CSE1L: variants seen among roughly 807,000 people sequenced by gnomAD.
CSE1L encodes chromosome segregation 1 like.
CSE1L carries 24 observed loss-of-function variants against 120.4 expected under a neutral mutation model. The observed-to-expected ratio is 0.20, with a 90% CI of 0.14 to 0.28. The LOEUF (loss-of-function observed/expected upper bound fraction) is 0.28. Among genes scored for constraint, CSE1L ranks in the 10% least tolerant of loss-of-function variants. The pLI is 1.00. For missense variants in CSE1L, 830 were observed against 1,145.2 expected (o/e 0.72, Z 3.97); for synonymous variants, 402 against 398.3 (o/e 1.01, Z -0.11).
At chr20:49,053,147 CTT>C (rs71184250) in intron 1 of CSE1L, among the ~76,000 whole-genome samples, 11 of 122,706 alleles carry the variant, frequency 9.0e-5, no homozygotes, top group African/African-American at 2.5e-4. Context: ...CCCTGTCTCT[CTT>C]TTTTTTTTTT....
At chr20:49,083,076 G>A (rs2092026442) in intron 14 of CSE1L, among the ~76,000 whole-genome samples, 1 of 150,762 alleles carries the variant, frequency 6.6e-6, no homozygotes, top group Non-Finnish European at 1.5e-5. Context: ...CCACGCTGGA[G>A]TGCAGTGGTG....
At chr20:49,090,903 A>G (rs1317733650) in intron 20 of CSE1L, 34 bp from the exon 21 acceptor site, 3 of 1,595,950 alleles carry the variant, frequency 1.9e-6, no homozygotes, top group Admixed American at 3.5e-5. Context: ...GAAAAGTCCT[A>G]AATTTATATT....
chr20:49,076,306 G>T (rs1355714667), intron 12 of CSE1L, among the ~76,000 whole-genome samples: 3 of 152,152 alleles, frequency 2.0e-5, no homozygotes, highest in Admixed American at 1.3e-4. Context: ...TCCTGCCTCA[G>T]CCTCCCGAGT....
chr20:49,088,488 CCTTA>C (rs2092076930), intron 17 of CSE1L, among the ~76,000 whole-genome samples: 1 of 152,122 alleles, frequency 6.6e-6, no homozygotes, highest in Admixed American at 6.5e-5. Flanking sequence ...GTCTTTTCTT[CCTTA>C]CTCTTATTTC....
chr20:49,067,172 T>G lies in CSE1L; in HGVS notation c.477-18T>G. On this transcript the variant is annotated intron_variant, in intron 5 of 24. Transcript: ENST00000262982. Reference sequence around the variant, plus strand: ...AAAAAAAACTTGTAAATTTATCTGTTTTACCTTAATTTTCTAGATACCGTC... The same window carrying G: ...AAAAAAAACTTGTAAATTTATCTGTGTTACCTTAATTTTCTAGATACCGTC... The G allele has an allele frequency of 1.3e-6, 2 of 1,538,608 alleles. No individual in the cohort carries two copies. Among genetic ancestry groups the G allele is most frequent in the Non-Finnish European group, 1.8e-6 (2 of 1,118,302 alleles).
At chr20:49,065,468 G>A (rs1174000533) in intron 3 of CSE1L, among the ~76,000 whole-genome samples, 2 of 150,570 alleles carry the variant, frequency 1.3e-5, no homozygotes, top group Admixed American at 1.3e-4. Context: ...TGTTACAGGT[G>A]CCCACCACCA....
At position 49,073,304 on chromosome 20, in the gene CSE1L, C is replaced by T. The variant is rs568595595; in HGVS notation, c.1066+607C>T. 6.6e-5 allele frequency among the ~76,000 whole-genome samples: 10 copies of T among 152,102 alleles called. 1 individual carries two copies. The highest frequency in any genetic ancestry group is 3.4e-3 in the Middle Eastern group (1 of 294). ...CTGGGATTGCATTTCTGAGCCACCT[C>T]GCCCAGAAATAGCTGTTTTTAAACA... is the stretch of plus-strand genomic sequence containing the variant. On this transcript the variant is annotated intron_variant, in intron 10 of 24. Transcript: ENST00000262982.
At chr20:49,063,881 C>G (rs546553215) in intron 3 of CSE1L, among the ~76,000 whole-genome samples, 111 of 151,954 alleles carry the variant, frequency 7.3e-4, no homozygotes, top group African/African-American at 2.6e-3. Flanking sequence ...GGTATTTTGC[C>G]CTATGTCTTG....
At position 49,095,023 on chromosome 20, in the gene CSE1L, A is replaced by ATAG. The variant is rs1201332104; in HGVS notation, c.2826+68_2826+70dup. The ATAG allele has an allele frequency of 5.9e-5, 75 of 1,280,044 alleles. No individual in the cohort carries two copies. In the East Asian group the frequency reaches 1.7e-3, roughly 29 times the overall value. 79.3% of individuals were successfully genotyped at this position (1,280,044 alleles called of 1,614,324 possible). A position where few individuals can be genotyped will look rare whatever the true frequency, so the allele number is the denominator to read the frequency against. On this transcript the variant is annotated intron_variant, in intron 24 of 24. Coordinates refer to ENST00000262982, the MANE Select transcript of CSE1L (RefSeq NM_001316.4). Reference sequence around the variant, plus strand: ...GAGACTTTAATGGGAGGGCAAAAGGATAGTAGTAGTTCTGGTGTCTGTTTT... The same window carrying ATAG: ...GAGACTTTAATGGGAGGGCAAAAGGATAGTAGTAGTAGTTCTGGTGTCTGTTTT...
At chr20:49,087,391 T>A (rs2092068584) in intron 16 of CSE1L, among the ~76,000 whole-genome samples, 1 of 144,648 alleles carries the variant, frequency 6.9e-6, no homozygotes, top group Non-Finnish European at 1.5e-5. Context: ...GGAGTCTCGC[T>A]CTGTCTCCCA....
intron 1 of CSE1L, among the ~76,000 whole-genome samples, chr20:49,053,427 C>T (rs190327183): frequency 7.7e-5 from 11 of 142,388 alleles, no homozygotes; most frequent in Non-Finnish European, 1.1e-4. Flanking sequence ...GGCGCAATCT[C>T]GCCTCATTGC....
In CSE1L at chr20:49,096,072, G is replaced by A. The variant is rs548301257; in HGVS notation, c.2827-277G>A. 10 of 576,428 alleles carry A rather than the reference G, an allele frequency of 1.7e-5. No homozygotes were observed. The East Asian group carries it at 2.7e-4, about 15-fold the overall frequency. The allele number at this position is 576,428 out of a possible 1,614,324, so 35.7% of individuals were successfully genotyped here. A position where few individuals can be genotyped will look rare whatever the true frequency, so the allele number is the denominator to read the frequency against. On this transcript the variant is annotated intron_variant, in intron 24 of 24. Coordinates refer to ENST00000262982, the MANE Select transcript of CSE1L (RefSeq NM_001316.4). ...GTCTTAGACATCATACGTTTCACGC[G>A]TAAGTACCTTATTCTACATCATTAA... is the stretch of plus-strand genomic sequence containing the variant.
chr20:49,074,457 A>G (rs997851413), intron 10 of CSE1L, among the ~76,000 whole-genome samples: 2 of 152,064 alleles, frequency 1.3e-5, no homozygotes, highest in Non-Finnish European at 2.9e-5. Context: ...TGGTATTTTA[A>G]TGTTCTTATT....
chr20:49,087,132 A>T (rs190516228), intron 16 of CSE1L, among the ~76,000 whole-genome samples: 1 of 152,206 alleles, frequency 6.6e-6, no homozygotes, highest in East Asian at 1.9e-4. Flanking sequence ...TTTTTCTCCC[A>T]TGCTTCCTAT....
At position 49,082,723 on chromosome 20, in the gene CSE1L, G is replaced by A. The variant is rs553956669; in HGVS notation, c.1483-1303G>A. On this transcript the variant is annotated intron_variant, in intron 14 of 24. Coordinates refer to ENST00000262982, the MANE Select transcript of CSE1L (RefSeq NM_001316.4). The stretch of plus-strand genomic sequence containing the variant: ...TTTTTAGTAGAGACGGGGTTTCACT[G>A]TGTTAGCCAGGATGGTCTCGATCTC... 3.3e-5 allele frequency among the ~76,000 whole-genome samples: 5 copies of A among 151,414 alleles called. No individual in the cohort carries two copies. In the East Asian group the frequency reaches 1.0e-3, roughly 30 times the overall value.
At chr20:49,074,236 T>TTA in intron 10 of CSE1L, among the ~76,000 whole-genome samples, 1 of 147,578 alleles carries the variant, frequency 6.8e-6, no homozygotes, top group African/African-American at 2.5e-5. Context: ...TTTTTTTTTT[T>TTA]AATTTATATG....
chr20:49,062,997 T>C (rs1301162160), intron 2 of CSE1L, among the ~76,000 whole-genome samples: 1 of 152,000 alleles, frequency 6.6e-6, no homozygotes, highest in East Asian at 1.9e-4. Context: ...TAATTGATGG[T>C]AAAGTTATTT....
At chr20:49,083,639 T>G (rs757020479) in intron 14 of CSE1L, among the ~76,000 whole-genome samples, 15 of 152,206 alleles carry the variant, frequency 9.9e-5, no homozygotes, top group Non-Finnish European at 1.5e-4. Context: ...CTCGTATTTG[T>G]TGCTTTTTGG....
chr20:49,058,312 G>T, intron 1 of CSE1L, 141 bp from the exon 2 acceptor site: 1 of 453,738 alleles, frequency 2.2e-6, no homozygotes, highest in East Asian at 3.3e-5. Context: ...TCTTGTCTCA[G>T]AGTCAGGTTT....
Sources: gnomAD v4.1 joint callset for allele counts (sites outside exome capture counted in the v4.1 genomes callset) on GRCh38, gnomAD v4.1.1 for gene constraint, MANE v1.5 for transcripts, NCBI Gene and HGNC (gene_info 2026-07-23, HGNC 2026-07-21) for gene names.